The following PCDHA8 variants were observed in gnomAD, a reference collection of about 807,000 sequenced individuals.
PCDHA8 encodes protocadherin alpha-8.
PCDHA8 carries 53 observed loss-of-function variants against 61.8 expected under a neutral mutation model. The ratio of observed to expected loss-of-function variants is 0.86; its 90% CI spans 0.69 to 1.08. The LOEUF is 1.08. Ranked by LOEUF, PCDHA8 falls within the 50% of genes least tolerant of loss-of-function variation. The probability of loss-of-function intolerance (pLI) is 0.00; values close to 1 mark genes in which losing one functional copy is unlikely to be tolerated. For missense variants in PCDHA8, 1,293 were observed against 1,245.0 expected, an observed-to-expected ratio of 1.04 and a Z score of -0.58; for synonymous variants, 618 against 556.6, an observed-to-expected ratio of 1.11 and a Z score of -1.55.
chr5:140,910,791 G>A (rs1471299729), intron 1 of PCDHA8, among the ~76,000 whole-genome samples: 2 of 152,140 alleles, frequency 1.3e-5, no homozygotes, highest in Non-Finnish European at 2.9e-5. Context: ...ATTAAATGCA[G>A]AATCCCTGCT....
At chr5:140,931,269 C>T (rs1253190149) in intron 1 of PCDHA8, among the ~76,000 whole-genome samples, 1 of 152,006 alleles carries the variant, frequency 6.6e-6, no homozygotes, top group Non-Finnish European at 1.5e-5. Context: ...CTATTTATTT[C>T]TTTTATTTTC....
chr5:140,853,173 C>T, intron 1 of PCDHA8: 1 of 969,590 alleles, frequency 1.0e-6, no homozygotes, highest in South Asian at 4.8e-5. Context: ...GCCACCGCGC[C>T]TGGCCTAAAA....
chr5:140,957,630 C>A (rs2095372065), intron 1 of PCDHA8, among the ~76,000 whole-genome samples: 1 of 152,000 alleles, frequency 6.6e-6, no homozygotes, highest in Non-Finnish European at 1.5e-5. Context: ...CACACACTTT[C>A]AGAAATGCAC....
At position 140,857,927 on chromosome 5, in the gene PCDHA8, A is replaced by C. The variant is rs1554150876; in HGVS notation, c.2394+14212A>C. ...CATCCCGTTTCGCGTGGGGCTGTAC[A>C]CGGGCGAGATCAGTACGACGCGCGC... On this transcript the variant is annotated intron_variant, in intron 1 of 3. Transcript: ENST00000531613. The C allele has an allele frequency of 1.9e-6, 3 of 1,597,510 alleles. 1 individual carries two copies. Among genetic ancestry groups the C allele is most frequent in the Non-Finnish European group, 2.6e-6 (3 of 1,167,484 alleles).
intron 1 of PCDHA8, among the ~76,000 whole-genome samples, chr5:140,939,059 T>C (rs2092309221): frequency 6.6e-6 from 1 of 152,234 alleles, no homozygotes; most frequent in Non-Finnish European, 1.5e-5. Flanking sequence ...TTTGGGCTGC[T>C]ATATCAAAAT....
intron 1 of PCDHA8, among the ~76,000 whole-genome samples, chr5:140,964,925 T>C (rs1586044682): frequency 6.6e-6 from 1 of 152,148 alleles, no homozygotes; most frequent in African/African-American, 2.4e-5. Flanking sequence ...ACTGGCTAGG[T>C]AGTGGAGCAT....
intron 1 of PCDHA8, chr5:140,881,180 T>C: frequency 6.0e-6 from 1 of 167,460 alleles, no homozygotes; most frequent in Non-Finnish European, 1.2e-5. Context: ...TTTTCCTTGC[T>C]AAAGATATGT....
At chr5:140,969,485 T>C (rs1485555970) in intron 1 of PCDHA8, 4 of 1,461,452 alleles carry the variant, frequency 2.7e-6, no homozygotes, top group African/African-American at 2.9e-5. Flanking sequence ...CATAATCTGC[T>C]ATTTCCTCTC....
At chr5:141,001,833 G>GAGACAGAGAGAGAGGTTGATT (rs1554258319) in intron 3 of PCDHA8, among the ~76,000 whole-genome samples, 1 of 151,780 alleles carries the variant, frequency 6.6e-6, no homozygotes, top group East Asian at 1.9e-4. Context: ...GACAGAGAGG[G>GAGACAGAGAGAGAGGTTGATT]AGACAGAGAG....
Position 140,847,092 on chromosome 5 carries a change from G to T in PCDHA8, c.2394+3377G>T, listed in dbSNP as rs1176748439. ...ATGACAAGTAGAAAAGTCCACTTTG[G>T]TTAAAACACACAGTCTGCAGAGAAT... On this transcript the variant is annotated intron_variant, in intron 1 of 3. Coordinates refer to ENST00000531613, the MANE Select transcript of PCDHA8 (RefSeq NM_018911.3). 2.7e-5 allele frequency among the ~76,000 whole-genome samples: 4 copies of T among 149,688 alleles called. 1 individual carries two copies. The highest frequency in any genetic ancestry group is 4.9e-5 in the African/African-American group (2 of 40,860).
rs148608291 is a variant in PCDHA8, at chr5:140,870,364, G to A, written c.2394+26649G>A. The stretch of plus-strand genomic sequence containing the variant: ...GGACCGCGAGAACGTGTGGGCCTAT[G>A]AACTGGTGGTGACTGCGCGGGATGG... On this transcript the variant is annotated intron_variant, in intron 1 of 3. Transcript: ENST00000531613. 1,110 of 1,614,212 alleles carry A rather than the reference G, an allele frequency of 6.9e-4. 2 individuals are homozygous for A. The highest frequency in any genetic ancestry group is 9.1e-4 in the Non-Finnish European group (1,069 of 1,180,030).
In PCDHA8 at chr5:140,842,127, C is replaced by T. The variant is rs2150329918; in HGVS notation, c.806C>T (p.Pro269Leu). 6.2e-7 allele frequency: 1 copy of T among 1,613,572 alleles called. No homozygotes were observed. Among genetic ancestry groups the T allele is most frequent in the Non-Finnish European group, 8.5e-7 (1 of 1,179,782 alleles). ...GTTATCAAACTGAATGCTTCTGATC[C>T]GGATGAAGGAGCCAATGGGGCAATT... ...TTVIKLNASD[P>L]DEGANGAISY... The change falls in exon 1 of 4, where the codon CCG becomes CTG. Residue 269 changes from proline (P) to leucine (L), a missense_variant. Transcript: ENST00000531613.
chr5:140,931,247 C>G (rs782447233), intron 1 of PCDHA8, among the ~76,000 whole-genome samples: 4 of 152,032 alleles, frequency 2.6e-5, no homozygotes, highest in African/African-American at 4.8e-5. Flanking sequence ...CTTTTCCTAC[C>G]AAGAAATTTC....
intron 3 of PCDHA8, among the ~76,000 whole-genome samples, chr5:140,999,039 T>C (rs1554256567): frequency 6.6e-6 from 1 of 152,214 alleles, no homozygotes; most frequent in Admixed American, 6.5e-5. Flanking sequence ...CTTCGTCCAG[T>C]GTGCTTTCCA....
chr5:140,922,388 CT>C (rs1233800006), intron 1 of PCDHA8, among the ~76,000 whole-genome samples: 1 of 152,148 alleles, frequency 6.6e-6, no homozygotes, highest in Non-Finnish European at 1.5e-5. Flanking sequence ...CCAAAGACTC[CT>C]TGTTTTGGAT....
In PCDHA8 at chr5:140,843,199, G is replaced by C. The variant is rs2150355178; in HGVS notation, c.1878G>C (p.Leu626=). 6.3e-7 allele frequency: 1 copy of C among 1,596,082 alleles called. No individual in the cohort carries two copies. Among genetic ancestry groups the C allele is most frequent in the South Asian group, 1.1e-5 (1 of 90,504 alleles). Residue 626 remains leucine (L), a synonymous_variant, in exon 1 of 4, where the codon CTG becomes CTC. Transcript: ENST00000531613. ...SSPRIPFRVG[L]YTGEISTTRV... is the part of the protein sequence containing the mutation. Reference sequence around the variant, plus strand: ...CTCGCATCCCGTTCCGCGTGGGGCTGTACACGGGCGAGATCAGCACCACTC... The same window carrying C: ...CTCGCATCCCGTTCCGCGTGGGGCTCTACACGGGCGAGATCAGCACCACTC...
chr5:140,850,076 G>A lies in PCDHA8; in HGVS notation c.2394+6361G>A. Reference sequence around the variant, plus strand: ...CGCTGCAGCCGTTGGACCACGAGGAGCTGGAGCTGCTACAGTTCCAGGTGA... The same window carrying A: ...CGCTGCAGCCGTTGGACCACGAGGAACTGGAGCTGCTACAGTTCCAGGTGA... On this transcript the variant is annotated intron_variant, in intron 1 of 3. Transcript: ENST00000531613. 6 of 1,596,552 alleles carry A rather than the reference G, an allele frequency of 3.8e-6. 1 individual carries two copies. Among genetic ancestry groups the A allele is most frequent in the Non-Finnish European group, 5.1e-6 (6 of 1,167,850 alleles).
chr5:140,965,975 T>TGA (rs1554227957), intron 1 of PCDHA8, among the ~76,000 whole-genome samples: 1 of 152,180 alleles, frequency 6.6e-6, no homozygotes, highest in Non-Finnish European at 1.5e-5. Flanking sequence ...CCCTAGGAGT[T>TGA]GAGCACTTTC....
chr5:140,883,702 T>C (rs367854871), intron 1 of PCDHA8: 80 of 1,613,632 alleles, frequency 5.0e-5, no homozygotes, highest in South Asian at 6.6e-5. Context: ...TCACGGTGTC[T>C]GCTCAGGACG....
Sources: gnomAD v4.1 joint callset for allele counts (sites outside exome capture counted in the v4.1 genomes callset) on GRCh38, gnomAD v4.1.1 for gene constraint, MANE v1.5 for transcripts, NCBI Gene and HGNC (gene_info 2026-07-23, HGNC 2026-07-21) for gene names.